The following GRXCR1 variants were observed in gnomAD, a reference collection of about 807,000 sequenced individuals.
GRXCR1 encodes glutaredoxin and cysteine rich domain containing 1.
Under a neutral mutation model 27.3 loss-of-function variants are expected in GRXCR1, and 27 were observed. That is an observed-to-expected ratio of 0.99 (90% CI 0.73 to 1.37). GRXCR1 has a LOEUF of 1.37. GRXCR1 is among the 40% of genes most tolerant of loss of function. The pLI is 0.00. For missense variants in GRXCR1, 379 were observed against 354.4 expected (o/e 1.07, Z -0.56); for synonymous variants, 122 against 131.1 (o/e 0.93, Z 0.47).
intron 1 of GRXCR1, among the ~76,000 whole-genome samples, chr4:42,941,526 G>T (rs1260890845): frequency 1.3e-5 from 2 of 151,828 alleles, no homozygotes; most frequent in African/African-American, 4.8e-5. Context: ...TCCCACATTT[G>T]TTTTTCAGCT....
At chr4:42,957,531 C>G (rs984615935) in intron 1 of GRXCR1, among the ~76,000 whole-genome samples, 3 of 151,996 alleles carry the variant, frequency 2.0e-5, no homozygotes, top group Non-Finnish European at 2.9e-5. Flanking sequence ...CCCTCTCTCT[C>G]TACCTCCACT....
In GRXCR1 at chr4:43,013,521, T is replaced by C. The variant is rs116703357; in HGVS notation, c.628-6833T>C. 4.4e-3 allele frequency among the ~76,000 whole-genome samples: 666 copies of C among 152,250 alleles called. 7 individuals are homozygous for C. The highest frequency in any genetic ancestry group is 0.013 in the African/African-American group (557 of 41,546). On this transcript the variant is annotated intron_variant, in intron 2 of 3. Transcript: ENST00000399770. The stretch of plus-strand genomic sequence containing the variant: ...GAGGGGAGCAAGGGTTGAAAAACTA[T>C]TGGTTGTCATGCTCTCTACCTGGGT...
intron 1 of GRXCR1, among the ~76,000 whole-genome samples, chr4:42,937,012 A>T (rs1223426788): frequency 6.6e-6 from 1 of 151,848 alleles, no homozygotes; most frequent in Non-Finnish European, 1.5e-5. Flanking sequence ...CATTCAGCTC[A>T]CATTTACCAG....
intron 3 of GRXCR1, among the ~76,000 whole-genome samples, chr4:43,026,734 ATTAC>A (rs1713269118): frequency 6.6e-6 from 1 of 152,188 alleles, no homozygotes; most frequent in South Asian, 2.1e-4. Flanking sequence ...TAACTTGATA[ATTAC>A]TTTTTAAAAA....
At chr4:42,948,115 T>A (rs191973944) in intron 1 of GRXCR1, among the ~76,000 whole-genome samples, 11 of 152,326 alleles carry the variant, frequency 7.2e-5, no homozygotes, top group Admixed American at 1.3e-4. Flanking sequence ...ATAGACAAAT[T>A]CAACCTCTGG....
At chr4:42,991,281 C>A (rs79700949) in intron 2 of GRXCR1, among the ~76,000 whole-genome samples, 1 of 151,978 alleles carries the variant, frequency 6.6e-6, no homozygotes, top group Non-Finnish European at 1.5e-5. Context: ...ATATATTTGG[C>A]AACATCTGTG....
At chr4:42,954,016 CT>C (rs1403611340) in intron 1 of GRXCR1, among the ~76,000 whole-genome samples, 1 of 151,980 alleles carries the variant, frequency 6.6e-6, no homozygotes, top group Non-Finnish European at 1.5e-5. Flanking sequence ...CCACCAAGTT[CT>C]GATTAAATGT....
intron 2 of GRXCR1, among the ~76,000 whole-genome samples, chr4:43,014,557 C>T (rs1026217924): frequency 2.0e-5 from 3 of 152,146 alleles, no homozygotes; most frequent in African/African-American, 7.2e-5. Context: ...TCAGAGAGTG[C>T]AGCCTCCAGT....
At chr4:42,899,404 C>G (rs1326686365) in intron 1 of GRXCR1, among the ~76,000 whole-genome samples, 1 of 152,158 alleles carries the variant, frequency 6.6e-6, no homozygotes, top group East Asian at 1.9e-4. Context: ...TTGTGTAAAG[C>G]AATTCCTGGA....
intron 2 of GRXCR1, among the ~76,000 whole-genome samples, chr4:42,992,374 C>A (rs1179194121): frequency 6.6e-6 from 1 of 152,118 alleles, no homozygotes; most frequent in Non-Finnish European, 1.5e-5. Flanking sequence ...ACTTTCTCTG[C>A]ACACCAAAGT....
At chr4:43,008,016 A>G (rs940164902) in intron 2 of GRXCR1, among the ~76,000 whole-genome samples, 1 of 152,158 alleles carries the variant, frequency 6.6e-6, no homozygotes, top group African/African-American at 2.4e-5. Context: ...ATTATTCACT[A>G]ACATCTTTTT....
intron 1 of GRXCR1, among the ~76,000 whole-genome samples, chr4:42,904,837 A>G (rs1200185434): frequency 1.3e-5 from 2 of 152,202 alleles, no homozygotes; most frequent in Non-Finnish European, 2.9e-5. Context: ...TGAGATACAC[A>G]AAACACATAG....
At chr4:42,965,856 T>C (rs563855779) in intron 2 of GRXCR1, among the ~76,000 whole-genome samples, 4 of 151,944 alleles carry the variant, frequency 2.6e-5, no homozygotes, top group Non-Finnish European at 5.9e-5. Context: ...GTAGCTCCCT[T>C]TGCATTACTG....
In GRXCR1 at chr4:42,962,927, G is replaced by T. The variant is rs1748157287; in HGVS notation, c.420G>T (p.Val140=). 1 of 1,612,500 alleles carries T rather than the reference G, an allele frequency of 6.2e-7. No individual in the cohort carries two copies. The highest frequency in any genetic ancestry group is 1.1e-5 in the South Asian group (1 of 91,044). The change falls in exon 2 of 4, where the codon GTG becomes GTT. Residue 140 remains valine, a synonymous_variant. Transcript: ENST00000399770. ...CTGATCTAGAATTTGACCGTGTAGTGATTTATACCACCTGCCTTCGTGTGG... is the reference window on the plus strand; with the variant it reads ...CTGATCTAGAATTTGACCGTGTAGTTATTTATACCACCTGCCTTCGTGTGG... ...PSTDLEFDRV[V]IYTTCLRVVR...
At chr4:42,917,900 G>A (rs1048071334) in intron 1 of GRXCR1, among the ~76,000 whole-genome samples, 1 of 152,032 alleles carries the variant, frequency 6.6e-6, no homozygotes, top group Admixed American at 6.6e-5. Flanking sequence ...AAACCTAACT[G>A]GTGAATAGGC....
chr4:43,005,453 CTT>C (rs1013239140), intron 2 of GRXCR1, among the ~76,000 whole-genome samples: 1 of 152,128 alleles, frequency 6.6e-6, no homozygotes, highest in African/African-American at 2.4e-5. Flanking sequence ...TCTATGCTCA[CTT>C]TTTTTGTGGA....
intron 2 of GRXCR1, among the ~76,000 whole-genome samples, chr4:42,974,721 C>T (rs543962388): frequency 1.1e-4 from 17 of 152,096 alleles, no homozygotes; most frequent in East Asian, 7.7e-4. Flanking sequence ...ATTAGAGGAA[C>T]GAAACTGCCT....
At chr4:42,915,914 A>G (rs1306342728) in intron 1 of GRXCR1, among the ~76,000 whole-genome samples, 1 of 151,814 alleles carries the variant, frequency 6.6e-6, no homozygotes, top group Non-Finnish European at 1.5e-5. Flanking sequence ...GGTACTTGGA[A>G]CTTTGGGTTG....
chr4:43,000,176 C>T (rs1188573118), intron 2 of GRXCR1, among the ~76,000 whole-genome samples: 4 of 152,174 alleles, frequency 2.6e-5, no homozygotes, highest in Admixed American at 2.0e-4. Context: ...CTGCCTGTTA[C>T]TCACTTAGAA....
Sources: allele counts gnomAD v4.1 joint callset (sites outside exome capture counted in the v4.1 genomes callset), GRCh38; gene constraint gnomAD v4.1.1; transcripts MANE v1.5; gene names NCBI Gene and HGNC (gene_info 2026-07-23, HGNC 2026-07-21).